TCEANC: variants seen among roughly 807,000 people sequenced by gnomAD.
The protein encoded by TCEANC is transcription elongation factor A N-terminal and central domain-containing protein.
A neutral mutation model predicts 8.7 loss-of-function variants in TCEANC; 8 were observed. That is an observed-to-expected ratio of 0.92 (90% CI 0.54 to 1.65). The LOEUF is 1.65. TCEANC is among the 40% of genes most tolerant of loss of function. TCEANC has a pLI of 0.00. For missense variants in TCEANC, 255 were observed against 251.9 expected (o/e 1.01, Z -0.08); for synonymous variants, 78 against 92.9 (o/e 0.84, Z 0.92).
At chrX:13,655,702 A>G (rs746438292) in intron 1 of TCEANC, among the ~76,000 whole-genome samples, 4 of 112,506 alleles carry the variant, frequency 3.6e-5, no homozygotes, top group Non-Finnish European at 7.5e-5. Flanking sequence ...CTACCCTCAG[A>G]GATCCTAATT....
intron 1 of TCEANC, among the ~76,000 whole-genome samples, chrX:13,658,718 T>G (rs900521073): frequency 9.0e-6 from 1 of 111,695 alleles, no homozygotes; most frequent in Non-Finnish European, 1.9e-5. Flanking sequence ...CAGAAATCGA[T>G]TACTGCATCT....
chrX:13,662,791 G>A lies in TCEANC; in HGVS notation c.283G>A (p.Val95Met), dbSNP rs1315266499. The A allele has an allele frequency of 1.7e-6, 2 of 1,211,317 alleles. No homozygotes were observed. Among genetic ancestry groups the A allele is most frequent in the South Asian group, 1.8e-5 (1 of 56,925 alleles). Residue 95 changes from valine (V) to methionine (M), a missense_variant, in exon 2 of 2, where the codon GTG (valine) becomes ATG (methionine). Val to Met is a conservative substitution (Grantham distance 21, BLOSUM62 1). Coordinates refer to ENST00000380600, the Ensembl canonical transcript of TCEANC. ...GAGGAACAGCCCTAAATTATTTCCT[G>A]TGAGGGGTAATAAAGAAGAAAATTC...
intron 1 of TCEANC, among the ~76,000 whole-genome samples, chrX:13,660,451 C>T (rs1175663092): frequency 8.9e-6 from 1 of 112,044 alleles, no homozygotes; most frequent in Admixed American, 9.4e-5. Flanking sequence ...TCCTTCACCC[C>T]ACTGCCCTTC....
chrX:13,662,697 T>A, exon 2 of TCEANC: 1 of 1,211,795 alleles, frequency 8.3e-7, no homozygotes. Flanking sequence ...CCTCTGTGGC[T>A]TTGAAAAAGA....
At chrX:13,655,232 G>A (rs1173245813), upstream of TCEANC, 2 of 112,079 alleles carry the variant, frequency 1.8e-5, no homozygotes, top group Non-Finnish European at 3.8e-5. Context: ...ATTATTTACT[G>A]TTTTTAGCAG....
chrX:13,661,911 G>A (rs769765576), intron 1 of TCEANC, among the ~76,000 whole-genome samples: 7 of 112,126 alleles, frequency 6.2e-5, no homozygotes, highest in Non-Finnish European at 1.1e-4. Context: ...TTTGGGACCC[G>A]CAGACGTATC....
exon 2 of TCEANC, chrX:13,663,604 A>G: frequency 8.7e-6 from 9 of 1,035,606 alleles, no homozygotes; most frequent in Non-Finnish European, 1.1e-5. Context: ...CCGGAGTGAT[A>G]CCTTTTATTT....
rs376413776 is a variant in TCEANC, at chrX:13,663,220, C to T, written c.712C>T (p.His238Tyr). ...CAATTTGAAGAACCCCAGAAATTCT[C>T]ATTTACAACAAAACTTGCTCTCTGG... The change falls in exon 2 of 2, where the codon CAT becomes TAT. Residue 238 changes from histidine to tyrosine, a missense_variant. His to Tyr is a moderately conservative substitution (Grantham distance 83). Transcript: ENST00000380600. 2.9e-5 allele frequency: 35 copies of T among 1,203,981 alleles called. No individual in the cohort carries two copies. The highest frequency in any genetic ancestry group is 2.0e-4 in the Admixed American group (9 of 44,917).
At chrX:13,662,979 A>C (rs1301225080) in exon 2 of TCEANC, 1 of 1,209,226 alleles carries the variant, frequency 8.3e-7, no homozygotes, top group African/African-American at 1.8e-5. Context: ...GTGACCCTGA[A>C]TCCACTGGCA....
exon 2 of TCEANC, chrX:13,663,054 C>T (rs1199993253): frequency 9.9e-6 from 12 of 1,211,522 alleles, no homozygotes; most frequent in Non-Finnish European, 8.9e-6. Flanking sequence ...AGCTTCTTTA[C>T]GCAGCTTTAA....
intron 1 of TCEANC, among the ~76,000 whole-genome samples, chrX:13,656,543 T>C (rs913623035): frequency 1.8e-5 from 2 of 111,812 alleles, no homozygotes; most frequent in Non-Finnish European, 3.8e-5. Context: ...ATACAGTGGG[T>C]CCTCAAAAAA....
In TCEANC at chrX:13,663,442, A is replaced by T; in HGVS notation, c.934A>T (p.Arg312Ter). Residue 312 changes from arginine to a stop codon, truncating the protein, a stop_gained, in exon 2 of 2, where the codon AGA becomes TGA. Coordinates refer to ENST00000380600, the Ensembl canonical transcript of TCEANC. LOFTEE classifies it high-confidence loss of function. ...CAATTGCAAAGTCACTGTAATTGAC[A>T]GAGGAACACTTTTCCTTCCCAGCTG... 8.5e-7 allele frequency: 1 copy of T among 1,181,186 alleles called. No homozygotes were observed. Among genetic ancestry groups the T allele is most frequent in the Admixed American group, 2.5e-5 (1 of 40,669 alleles).
intron 1 of TCEANC, among the ~76,000 whole-genome samples, chrX:13,658,121 T>G (rs983719052): frequency 8.9e-6 from 1 of 111,904 alleles, no homozygotes; most frequent in African/African-American, 3.3e-5. Context: ...GAAAAAAGAT[T>G]AGTTGTTGAC....
chrX:13,662,876 T>A, exon 2 of TCEANC: 1 of 1,211,896 alleles, frequency 8.3e-7, no homozygotes, highest in East Asian at 3.0e-5. Context: ...TCGAATTCTC[T>A]GTCTTCCCAA....
exon 2 of TCEANC, chrX:13,662,687 C>T: frequency 8.3e-7 from 1 of 1,211,620 alleles, no homozygotes; most frequent in Non-Finnish European, 1.1e-6. Context: ...AAAAACTGCC[C>T]CTCTGTGGCT....
At chrX:13,653,752 C>T (rs776019085), upstream of TCEANC, among the ~76,000 whole-genome samples, 1 of 111,845 alleles carries the variant, frequency 8.9e-6, no homozygotes, top group South Asian at 3.7e-4. Flanking sequence ...TGACTTGTTA[C>T]AAACTTCTGG....
Position 13,662,654 on chromosome X carries a change from TC to T in TCEANC, c.147del (p.Arg50GlufsTer15), listed in dbSNP as rs764877527. ...GAGCATCTCCAGGAGACAGATGTGG[TC>T]AGAGCTGTGTACAGAGTCCTCAAAA... On this transcript the variant is annotated frameshift_variant, in exon 2 of 2. Transcript: ENST00000380600. LOFTEE classifies it low-confidence loss of function (END_TRUNC). 1 of 1,211,723 alleles carries T rather than the reference TC, an allele frequency of 8.3e-7. No individual in the cohort carries two copies. The highest frequency in any genetic ancestry group is 2.2e-5 in the Admixed American group (1 of 45,991).
At chrX:13,654,950 A>G (rs766314420), upstream of TCEANC, among the ~76,000 whole-genome samples, 1 of 111,129 alleles carries the variant, frequency 9.0e-6, no homozygotes, top group Non-Finnish European at 1.9e-5. Context: ...GAAAGAAGCC[A>G]AGGGGCACTG....
chrX:13,656,560 A>G (rs2045925528), intron 1 of TCEANC, among the ~76,000 whole-genome samples: 1 of 112,360 alleles, frequency 8.9e-6, no homozygotes, highest in Non-Finnish European at 1.9e-5. Context: ...AAAATTAAAA[A>G]TAGAATTACC....
Sources: gnomAD v4.1 joint callset for allele counts (sites outside exome capture counted in the v4.1 genomes callset) on GRCh38, gnomAD v4.1.1 for gene constraint, MANE v1.5 for transcripts, NCBI Gene and HGNC (gene_info 2026-07-23, HGNC 2026-07-21) for gene names.